The following ERC1 variants were observed in gnomAD, a reference collection of about 807,000 sequenced individuals.
ERC1 encodes ELKS/RAB6-interacting/CAST family member 1.
ERC1 carries 56 observed loss-of-function variants against 132.0 expected under a neutral mutation model. The observed-to-expected ratio is 0.42, with a 90% CI of 0.34 to 0.53. ERC1 has a LOEUF of 0.53. Among genes scored for constraint, ERC1 ranks in the 20% least tolerant of loss-of-function variants. The probability of loss-of-function intolerance (pLI) is 0.03; values close to 1 mark genes in which losing one functional copy is unlikely to be tolerated. For synonymous variants in ERC1, 478 were observed against 476.1 expected (o/e 1.00, Z -0.05); for missense variants, 1,202 against 1,349.9 (o/e 0.89, Z 1.72).
chr12:1,361,600 A>G (rs1341120161), intron 15 of ERC1, among the ~76,000 whole-genome samples: 1 of 152,146 alleles, frequency 6.6e-6, no homozygotes, highest in African/African-American at 2.4e-5. Flanking sequence ...TAAGACCTAT[A>G]TCTAAAAACT....
chr12:1,298,368 C>T (rs893954364), intron 15 of ERC1, among the ~76,000 whole-genome samples: 4 of 151,504 alleles, frequency 2.6e-5, no homozygotes, highest in Admixed American at 1.3e-4. Flanking sequence ...GTGGTGAAAC[C>T]CCCATCTCTA....
chr12:1,115,745 C>T, intron 6 of ERC1, 121 bp from the exon 7 acceptor site: 2 of 820,822 alleles, frequency 2.4e-6, no homozygotes, highest in Non-Finnish European at 3.7e-6. Flanking sequence ...ATGAATATGA[C>T]CTATCACACA....
At chr12:1,157,737 A>G (rs2154258987) in intron 8 of ERC1, among the ~76,000 whole-genome samples, 1 of 152,336 alleles carries the variant, frequency 6.6e-6, no homozygotes, top group South Asian at 2.1e-4. Context: ...AAGTGAAGAA[A>G]GGGTTTCAAA....
intron 15 of ERC1, among the ~76,000 whole-genome samples, chr12:1,341,031 C>A (rs2083788001): frequency 8.3e-6 from 1 of 120,732 alleles, no homozygotes; most frequent in South Asian, 3.0e-4. Context: ...ATTAACATTT[C>A]TATTTTTCCT....
intron 1 of ERC1, among the ~76,000 whole-genome samples, chr12:1,012,852 A>G (rs564670394): frequency 3.3e-5 from 5 of 152,294 alleles, no homozygotes; most frequent in African/African-American, 1.2e-4. Flanking sequence ...ACATGCATAT[A>G]TTATATATAA....
chr12:1,254,943 CT>C (rs59417058), intron 13 of ERC1, among the ~76,000 whole-genome samples: 7,994 of 139,604 alleles, frequency 0.057, 455 homozygotes, highest in African/African-American at 0.16. Context: ...CTCAAATCCA[CT>C]TTTTTTTTTT....
Position 1,473,121 on chromosome 12 carries a change from G to A in ERC1, c.3214-16972G>A, listed in dbSNP as rs541942099. Among the ~76,000 whole-genome samples, 15 of 152,256 alleles carry A rather than the reference G, an allele frequency of 9.9e-5. No homozygotes were observed. In the South Asian group the frequency reaches 1.2e-3, roughly 13 times the overall value. ...GCTCACTGCAACCTCCGCCTCCTGG[G>A]TTCAAGCAGTTCTCCTGCCTCAGCT... On this transcript the variant is annotated intron_variant, in intron 18 of 18. Transcript: ENST00000360905.
At chr12:1,281,465 A>C (rs1476959734) in intron 14 of ERC1, among the ~76,000 whole-genome samples, 3 of 152,238 alleles carry the variant, frequency 2.0e-5, no homozygotes, top group Non-Finnish European at 2.9e-5. Flanking sequence ...AAATATTAAG[A>C]GCTCTCAGAC....
chr12:1,398,733 A>G (rs1443737304), intron 16 of ERC1, among the ~76,000 whole-genome samples: 1 of 152,144 alleles, frequency 6.6e-6, no homozygotes, highest in African/African-American at 2.4e-5. Flanking sequence ...TGGGAAGTCT[A>G]AGATCAAGGC....
At chr12:1,133,796 C>T (rs1246230571) in intron 7 of ERC1, among the ~76,000 whole-genome samples, 1 of 152,208 alleles carries the variant, frequency 6.6e-6, no homozygotes, top group Non-Finnish European at 1.5e-5. Flanking sequence ...AGCATCTCCC[C>T]ATGCCTCTCC....
chr12:1,130,360 A>AG (rs1333160392), intron 7 of ERC1, among the ~76,000 whole-genome samples: 4 of 152,076 alleles, frequency 2.6e-5, no homozygotes, highest in Admixed American at 6.5e-5. Context: ...TAGAGTTATA[A>AG]GGCTTTGTTG....
chr12:1,006,323 T>C (rs915472789), intron 1 of ERC1, among the ~76,000 whole-genome samples: 1 of 152,182 alleles, frequency 6.6e-6, no homozygotes, highest in African/African-American at 2.4e-5. Flanking sequence ...AGCCTCGAAT[T>C]CTTAGGCTTA....
intron 15 of ERC1, among the ~76,000 whole-genome samples, chr12:1,317,201 A>G (rs190415090): frequency 3.5e-4 from 53 of 151,974 alleles, no homozygotes; most frequent in African/African-American, 1.3e-3. Context: ...TGTAACATAT[A>G]CACCATGGAA....
chr12:1,484,673 G>T (rs2094172106), intron 18 of ERC1, among the ~76,000 whole-genome samples: 1 of 151,292 alleles, frequency 6.6e-6, no homozygotes, highest in Non-Finnish European at 1.5e-5. Context: ...CGCCTCCCGG[G>T]CTCAAGCAAT....
chr12:1,062,306 A>T (rs544906100), intron 2 of ERC1, among the ~76,000 whole-genome samples: 1 of 151,818 alleles, frequency 6.6e-6, no homozygotes, highest in South Asian at 2.1e-4. Context: ...TTTGAAAATG[A>T]AGACGGGGTT....
intron 12 of ERC1, among the ~76,000 whole-genome samples, chr12:1,199,426 T>C (rs1251122366): frequency 6.6e-6 from 1 of 152,204 alleles, no homozygotes; most frequent in Non-Finnish European, 1.5e-5. Flanking sequence ...TTTATAGTAT[T>C]GTTTTTAAGG....
chr12:1,419,729 A>C (rs1297446738), intron 17 of ERC1, among the ~76,000 whole-genome samples: 4 of 151,988 alleles, frequency 2.6e-5, no homozygotes, highest in African/African-American at 7.2e-5. Flanking sequence ...GAATGGTTGC[A>C]CAACAGTGTG....
chr12:1,169,288 A>C (rs537970446), intron 8 of ERC1, among the ~76,000 whole-genome samples: 5 of 152,074 alleles, frequency 3.3e-5, no homozygotes, highest in Non-Finnish European at 7.4e-5. Flanking sequence ...AAAGCCCTCC[A>C]CTTTCCCTAG....
intron 13 of ERC1, among the ~76,000 whole-genome samples, chr12:1,261,363 T>G (rs946633942): frequency 1.3e-5 from 2 of 152,222 alleles, no homozygotes; most frequent in Non-Finnish European, 2.9e-5. Context: ...ATAATGTTTC[T>G]TTATGCTTCT....
Sources: gnomAD v4.1 joint callset for allele counts (sites outside exome capture counted in the v4.1 genomes callset) on GRCh38, gnomAD v4.1.1 for gene constraint, MANE v1.5 for transcripts, NCBI Gene and HGNC (gene_info 2026-07-23, HGNC 2026-07-21) for gene names.